Variants in NTM observed in about 807,000 individuals in gnomAD.
NTM encodes neurotrimin.
A neutral mutation model predicts 42.1 loss-of-function variants in NTM; 13 were observed. The ratio of observed to expected loss-of-function variants is 0.31; its 90% CI spans 0.20 to 0.49. The LOEUF (loss-of-function observed/expected upper bound fraction) is 0.49, where lower values mean the gene tolerates loss of function less well. Ranked by LOEUF, NTM falls within the 20% of genes least tolerant of loss-of-function variation. NTM has a pLI of 0.99. For synonymous variants in NTM, 187 were observed against 179.2 expected, an observed-to-expected ratio of 1.04 and a Z score of -0.35; for missense variants, 373 against 452.8, an observed-to-expected ratio of 0.82 and a Z score of 1.60.
At chr11:131,575,753 A>T (rs1242421591) in intron 1 of NTM, among the ~76,000 whole-genome samples, 1 of 152,156 alleles carries the variant, frequency 6.6e-6, no homozygotes, top group Non-Finnish European at 1.5e-5. Flanking sequence ...ATTCAAAAAG[A>T]CTTCGAAGTG....
At position 131,564,883 on chromosome 11, in the gene NTM, C is replaced by A. The variant is rs566663009; in HGVS notation, c.82+193995C>A. Reference sequence around the variant, plus strand: ...TACACACACATACACACACACACACCTTTCTTCTGTAAGTGAAGCCCTTCG... The same window carrying A: ...TACACACACATACACACACACACACATTTCTTCTGTAAGTGAAGCCCTTCG... On this transcript the variant is annotated intron_variant, in intron 1 of 8. Transcript: ENST00000683400. 2.1e-3 allele frequency among the ~76,000 whole-genome samples: 320 copies of A among 151,300 alleles called. 4 individuals are homozygous for A. Among genetic ancestry groups the A allele is most frequent in the Middle Eastern group, 0.01 (3 of 294 alleles).
At chr11:131,781,788 C>T (rs552465044) in intron 1 of NTM, among the ~76,000 whole-genome samples, 1 of 152,290 alleles carries the variant, frequency 6.6e-6, no homozygotes, top group South Asian at 2.1e-4. Context: ...AGCCCATGGA[C>T]CACTCTGCAC....
chr11:131,759,211 C>G (rs986136913), intron 1 of NTM, among the ~76,000 whole-genome samples: 10 of 152,184 alleles, frequency 6.6e-5, no homozygotes, highest in Non-Finnish European at 1.0e-4. Context: ...TTACTGTGCT[C>G]TCCATACTCT....
intron 2 of NTM, among the ~76,000 whole-genome samples, chr11:131,944,318 G>A (rs1383874916): frequency 1.3e-5 from 2 of 152,188 alleles, no homozygotes; most frequent in Admixed American, 6.5e-5. Flanking sequence ...TTTAGACATA[G>A]GAGACAGCGG....
intron 3 of NTM, among the ~76,000 whole-genome samples, chr11:132,204,558 C>G (rs1201159372): frequency 2.6e-5 from 4 of 152,102 alleles, no homozygotes; most frequent in African/African-American, 7.2e-5. Flanking sequence ...AATAATTAGA[C>G]AGAACCAATG....
Position 131,934,283 on chromosome 11 carries a change from G to C in NTM, c.167+22635G>C, listed in dbSNP as rs574327931. Among the ~76,000 whole-genome samples, 4 of 152,276 alleles carry C rather than the reference G, an allele frequency of 2.6e-5. No individual in the cohort carries two copies. In the South Asian group the frequency reaches 6.2e-4, roughly 24 times the overall value. On this transcript the variant is annotated intron_variant, in intron 2 of 8. Coordinates refer to ENST00000683400, the MANE Select transcript of NTM (RefSeq NM_001352005.2). ...GTTATTCCCTAGAGCGTATCACAGAGTAATATATGGAGAATACAAATAAAT... is the reference window on the plus strand; with the variant it reads ...GTTATTCCCTAGAGCGTATCACAGACTAATATATGGAGAATACAAATAAAT...
At chr11:131,614,200 A>T (rs2061703620) in intron 1 of NTM, among the ~76,000 whole-genome samples, 1 of 152,156 alleles carries the variant, frequency 6.6e-6, no homozygotes, top group South Asian at 2.1e-4. Flanking sequence ...CATGATGCAG[A>T]AAACAGGCCT....
chr11:131,507,374 C>T (rs566993134), intron 1 of NTM, among the ~76,000 whole-genome samples: 88 of 150,650 alleles, frequency 5.8e-4, no homozygotes, highest in South Asian at 1.3e-3. Flanking sequence ...TGTAGATATG[C>T]GGCGTTATTT....
At chr11:131,963,665 C>A (rs530135821) in intron 2 of NTM, among the ~76,000 whole-genome samples, 15 of 152,306 alleles carry the variant, frequency 9.8e-5, no homozygotes, top group African/African-American at 3.6e-4. Flanking sequence ...ACATGCCAGG[C>A]TCTGGAATAG....
At chr11:131,647,384 G>C (rs553111131) in intron 1 of NTM, among the ~76,000 whole-genome samples, 1 of 152,310 alleles carries the variant, frequency 6.6e-6, no homozygotes, top group Admixed American at 6.5e-5. Flanking sequence ...AACCTTCGGG[G>C]ATGGCTTCGC....
chr11:131,677,706 T>C (rs1264583230), intron 1 of NTM, among the ~76,000 whole-genome samples: 1 of 152,174 alleles, frequency 6.6e-6, no homozygotes, highest in Admixed American at 6.5e-5. Context: ...CTATGAGCAA[T>C]ATGTTAAGAT....
At chr11:132,093,724 C>A (rs1049148949) in intron 2 of NTM, among the ~76,000 whole-genome samples, 10 of 152,200 alleles carry the variant, frequency 6.6e-5, no homozygotes. Context: ...ATGTCACCAA[C>A]AGGGTGGCAT....
chr11:131,911,231 G>A (rs998019925), intron 1 of NTM: 2 of 1,399,512 alleles, frequency 1.4e-6, no homozygotes, highest in Non-Finnish European at 1.9e-6. Context: ...GAAGCAGCGA[G>A]GAGGGAGCCC....
intron 1 of NTM, among the ~76,000 whole-genome samples, chr11:131,698,082 G>A (rs7115172): frequency 0.11 from 16,216 of 152,160 alleles, 2,838 homozygotes; most frequent in African/African-American, 0.36. Flanking sequence ...CCAGAGCTCA[G>A]GTCAAGACAG....
intron 4 of NTM, among the ~76,000 whole-genome samples, chr11:132,299,172 G>A (rs1372533034): frequency 6.6e-6 from 1 of 152,100 alleles, no homozygotes; most frequent in Non-Finnish European, 1.5e-5. Flanking sequence ...GCAGGCGCCT[G>A]TAGTCCCAGC....
At chr11:132,323,745 A>G (rs1179241570) in intron 7 of NTM, among the ~76,000 whole-genome samples, 1 of 152,182 alleles carries the variant, frequency 6.6e-6, no homozygotes, top group Non-Finnish European at 1.5e-5. Flanking sequence ...TTAGACCAAT[A>G]TCCTTGATGA....
chr11:132,059,293 C>T (rs1014099251), intron 2 of NTM, among the ~76,000 whole-genome samples: 1 of 152,188 alleles, frequency 6.6e-6, no homozygotes, highest in Non-Finnish European at 1.5e-5. Flanking sequence ...CCTCACCCTC[C>T]TCTCCTCATG....
At chr11:131,418,386 T>A (rs562075774) in intron 1 of NTM, among the ~76,000 whole-genome samples, 2 of 152,360 alleles carry the variant, frequency 1.3e-5, no homozygotes, top group South Asian at 4.1e-4. Flanking sequence ...CTAGAAGCTA[T>A]GGTGCAGATC....
Position 132,070,998 on chromosome 11 carries a change from C to A in NTM, c.168-75284C>A, listed in dbSNP as rs571733494. On this transcript the variant is annotated intron_variant, in intron 2 of 8. Coordinates refer to ENST00000683400, the MANE Select transcript of NTM (RefSeq NM_001352005.2). The stretch of plus-strand genomic sequence containing the variant: ...AACACGTCACACAGCCAAGTTAACA[C>A]GTCACACTGACCATCACAGGTTGGT... Among the ~76,000 whole-genome samples, 107 of 142,004 alleles carry A rather than the reference C, an allele frequency of 7.5e-4. 1 individual carries two copies. The highest frequency in any genetic ancestry group is 2.7e-3 in the African/African-American group (104 of 38,712). The allele number at this position is 142,004 out of a possible 152,430, so 93.2% of individuals were successfully genotyped here. A position where few individuals can be genotyped will look rare whatever the true frequency, so the allele number is the denominator to read the frequency against.
Sources: allele counts gnomAD v4.1 joint callset (sites outside exome capture counted in the v4.1 genomes callset), GRCh38; gene constraint gnomAD v4.1.1; transcripts MANE v1.5; gene names NCBI Gene and HGNC (gene_info 2026-07-23, HGNC 2026-07-21).